Variants in MINPP1 observed in about 807,000 individuals in gnomAD.
MINPP1 encodes the protein multiple inositol-polyphosphate phosphatase 1.
MINPP1 carries 28 observed loss-of-function variants against 46.1 expected under a neutral mutation model. The ratio of observed to expected loss-of-function variants is 0.61; its 90% CI spans 0.45 to 0.83. The LOEUF (loss-of-function observed/expected upper bound fraction) is 0.83. MINPP1 is among the 40% of genes least tolerant of loss of function. The pLI is 0.00. For missense variants in MINPP1, 603 were observed against 610.0 expected (o/e 0.99, Z 0.12); for synonymous variants, 268 against 249.1 (o/e 1.08, Z -0.72).
At position 87,521,178 on chromosome 10, in the gene MINPP1, T is replaced by G; in HGVS notation, c.1067+9T>G. The G allele has an allele frequency of 1.2e-6, 2 of 1,608,936 alleles. No individual in the cohort carries two copies. The highest frequency in any genetic ancestry group is 2.2e-5 in the South Asian group (2 of 89,762). ...GTTGAACAGAAACAAAGGTAAGAAC[T>G]TTCTAAAAAATGTGAAGTACATTTT... is the stretch of plus-strand genomic sequence containing the variant. On this transcript the variant is annotated intron_variant, in intron 4 of 4. Coordinates refer to ENST00000371996, the MANE Select transcript of MINPP1 (RefSeq NM_004897.5).
Position 87,505,676 on chromosome 10 carries a change from A to G in MINPP1, c.637+124A>G, listed in dbSNP as rs1442888271. On this transcript the variant is annotated intron_variant, in intron 1 of 4. Coordinates refer to ENST00000371996, the MANE Select transcript of MINPP1 (RefSeq NM_004897.5). The surrounding 1 kb of genome is among the most constrained non-coding windows in gnomAD (Gnocchi z 4.4). ...GTTCTCTTTCCTCTTTTCCCAAGCC[A>G]TCATCCCTCGGGCTACGTCCTCCCT... The G allele has an allele frequency of 1.1e-6, 1 of 903,244 alleles. No individual in the cohort carries two copies. The highest frequency in any genetic ancestry group is 1.7e-6 in the Non-Finnish European group (1 of 604,272). 56.0% of individuals were successfully genotyped at this position (903,244 alleles called of 1,614,324 possible).
chr10:87,513,204 G>A lies in MINPP1; in HGVS notation c.916G>A (p.Asp306Asn). 5 of 1,612,950 alleles carry A rather than the reference G, an allele frequency of 3.1e-6. No homozygotes were observed. The highest frequency in any genetic ancestry group is 4.2e-6 in the Non-Finnish European group (5 of 1,179,134). ...TAAATCTCCTTGGTGTGATGTTTTT[G>A]ACATAGATGATGCAAAGGTAAGTAT... is the stretch of plus-strand genomic sequence containing the variant. ...GVKSPWCDVF[D>N]IDDAKVLEYL... The change falls in exon 3 of 5, where the codon GAC (aspartate) becomes AAC (asparagine). Residue 306 changes from aspartate (D) to asparagine (N), a missense_variant. Physicochemically the swap from Asp to Asn is conservative, Grantham distance 23. Transcript: ENST00000371996.
At chr10:87,518,538 G>A (rs1346108503) in intron 3 of MINPP1, among the ~76,000 whole-genome samples, 1 of 151,910 alleles carries the variant, frequency 6.6e-6, no homozygotes, top group Non-Finnish European at 1.5e-5. Flanking sequence ...GTGACCAAAT[G>A]TGTGGGAGCC....
At position 87,504,910 on chromosome 10, in the gene MINPP1, C is replaced by T. The variant is rs754268168; in HGVS notation, c.-6C>T. 2 of 1,609,798 alleles carry T rather than the reference C, an allele frequency of 1.2e-6. No homozygotes were observed. The highest frequency in any genetic ancestry group is 1.1e-5 in the South Asian group (1 of 90,776). ...GGCTCGGCGCACTCCACTGACCGTCCCGACGATGCTACGCGCGCCCGGCTG... is the reference window on the plus strand; with the variant it reads ...GGCTCGGCGCACTCCACTGACCGTCTCGACGATGCTACGCGCGCCCGGCTG... On this transcript the variant is annotated 5_prime_UTR_variant, in exon 1 of 5. Coordinates refer to ENST00000371996, the MANE Select transcript of MINPP1 (RefSeq NM_004897.5).
chr10:87,549,437 T>G (rs1851932256), intron 4 of MINPP1, among the ~76,000 whole-genome samples: 1 of 152,244 alleles, frequency 6.6e-6, no homozygotes, highest in Non-Finnish European at 1.5e-5. Context: ...TACCACTGTC[T>G]GTCCTGTGCT....
chr10:87,524,179 C>G (rs1851542617), intron 4 of MINPP1, among the ~76,000 whole-genome samples: 1 of 152,230 alleles, frequency 6.6e-6, no homozygotes, highest in African/African-American at 2.4e-5. Flanking sequence ...CTTCAGTTAT[C>G]TTAGCTAGAT....
At position 87,505,556 on chromosome 10, in the gene MINPP1, A is replaced by AC. The variant is rs763506510; in HGVS notation, c.637+10dup. 1.0e-5 allele frequency: 16 copies of AC among 1,598,804 alleles called. No individual in the cohort carries two copies. Among genetic ancestry groups the AC allele is most frequent in the East Asian group, 4.5e-5 (2 of 44,602 alleles). Reference sequence around the variant, plus strand: ...TTGCCGCCGCCGGACGTCGCAGGTGACCCCCCGGGCGGCCCGTGTGCTGTC... The same window carrying AC: ...TTGCCGCCGCCGGACGTCGCAGGTGACCCCCCCGGGCGGCCCGTGTGCTGTC... On this transcript the variant is annotated splice_donor_region_variant and intron_variant, in intron 1 of 4. Transcript: ENST00000371996. The surrounding 1 kb of genome is among the most constrained non-coding windows in gnomAD (Gnocchi z 4.4).
At chr10:87,545,307 T>C (rs1366380511) in intron 4 of MINPP1, among the ~76,000 whole-genome samples, 6 of 151,200 alleles carry the variant, frequency 4.0e-5, no homozygotes, top group African/African-American at 1.5e-4. Context: ...CTTTCTTGAC[T>C]TTTTTTTTAA....
chr10:87,545,664 A>G (rs1181856328), intron 4 of MINPP1, among the ~76,000 whole-genome samples: 1 of 152,202 alleles, frequency 6.6e-6, no homozygotes, highest in East Asian at 1.9e-4. Flanking sequence ...ATCAAAGGTA[A>G]AGATGGAGAG....
chr10:87,538,456 G>T (rs1851769461), intron 4 of MINPP1, among the ~76,000 whole-genome samples: 1 of 152,134 alleles, frequency 6.6e-6, no homozygotes. Flanking sequence ...TGTATGTTTT[G>T]TTCAGCTTTC....
At chr10:87,534,888 C>T (rs1025098970) in intron 4 of MINPP1, among the ~76,000 whole-genome samples, 2 of 152,172 alleles carry the variant, frequency 1.3e-5, no homozygotes, top group Non-Finnish European at 2.9e-5. Flanking sequence ...TATTTCATGG[C>T]TCCATAACTA....
chr10:87,552,425 A>C lies in MINPP1; in HGVS notation c.1411A>C (p.Thr471Pro), dbSNP rs774797464. The part of the protein sequence containing the change: ...HYKDILQSCQ[T>P]SEECELARAN... ...CAAGGACATCCTTCAGAGTTGTCAAACCAGTGAAGAATGTGAATTAGCAAG... is the reference window on the plus strand; with the variant it reads ...CAAGGACATCCTTCAGAGTTGTCAACCCAGTGAAGAATGTGAATTAGCAAG... Residue 471 changes from threonine to proline, a missense_variant, in exon 5 of 5, where the codon ACC becomes CCC. Physicochemically the swap from Thr to Pro is conservative, Grantham distance 38. Transcript: ENST00000371996. The C allele has an allele frequency of 5.6e-6, 9 of 1,613,238 alleles. No individual in the cohort carries two copies. The highest frequency in any genetic ancestry group is 7.6e-6 in the Non-Finnish European group (9 of 1,179,710).
At chr10:87,506,829 A>G (rs1293653680) in intron 1 of MINPP1, among the ~76,000 whole-genome samples, 1 of 152,222 alleles carries the variant, frequency 6.6e-6, no homozygotes, top group Admixed American at 6.5e-5. Flanking sequence ...AACCATCTGT[A>G]AGGGATTTCT....
intron 4 of MINPP1, among the ~76,000 whole-genome samples, chr10:87,540,760 G>A (rs1345825599): frequency 6.6e-6 from 1 of 152,158 alleles, no homozygotes; most frequent in African/African-American, 2.4e-5. Flanking sequence ...GATGGTTTAA[G>A]AACCAGATTG....
chr10:87,520,056 T>TTGTGTGTGTGTGTG (rs762881110), intron 3 of MINPP1, among the ~76,000 whole-genome samples: 1 of 37,796 alleles, frequency 2.6e-5, no homozygotes, highest in Non-Finnish European at 4.7e-5. Context: ...ATAAAAGGTA[T>TTGTGTGTGTGTGTG]AGTGTGTGTG....
chr10:87,552,050 A>G (rs1489286061), intron 4 of MINPP1, 32 bp from the exon 5 acceptor site: 3 of 1,542,184 alleles, frequency 1.9e-6, no homozygotes, highest in Admixed American at 1.7e-5. Flanking sequence ...ATTAATATAT[A>G]TACCTTATTT....
chr10:87,534,252 G>A (rs1197065068), intron 4 of MINPP1, among the ~76,000 whole-genome samples: 2 of 151,810 alleles, frequency 1.3e-5, no homozygotes, highest in Non-Finnish European at 1.5e-5. Context: ...ACAGGGTTTC[G>A]CCATGTTGGC....
At chr10:87,546,164 A>C (rs1212299760) in intron 4 of MINPP1, among the ~76,000 whole-genome samples, 1 of 152,224 alleles carries the variant, frequency 6.6e-6, no homozygotes, top group Non-Finnish European at 1.5e-5. Context: ...GCATAAATTA[A>C]TCGTATGCTA....
intron 4 of MINPP1, among the ~76,000 whole-genome samples, chr10:87,542,137 G>A (rs1487727943): frequency 6.6e-6 from 1 of 152,116 alleles, no homozygotes; most frequent in African/African-American, 2.4e-5. Flanking sequence ...CTGTGATCCT[G>A]TGAGATCAGA....
Sources: allele counts gnomAD v4.1 joint callset (sites outside exome capture counted in the v4.1 genomes callset), GRCh38; gene constraint gnomAD v4.1.1; non-coding constraint Gnocchi (gnomAD v3.1); transcripts MANE v1.5; gene names NCBI Gene and HGNC (gene_info 2026-07-23, HGNC 2026-07-21).